Variants in SFRP1 observed in about 807,000 individuals in gnomAD.
SFRP1 encodes the protein secreted frizzled related protein 1, also known as secreted frizzled-related protein 1.
In SFRP1, 9 loss-of-function variants were observed where a neutral mutation model predicts 25.9. The ratio of observed to expected loss-of-function variants is 0.35; its 90% CI spans 0.21 to 0.61. The LOEUF (loss-of-function observed/expected upper bound fraction) is 0.61. Among genes scored for constraint, SFRP1 ranks in the 20% least tolerant of loss-of-function variants. The pLI, the probability that SFRP1 is intolerant of heterozygous loss-of-function variation, is 0.78. For synonymous variants in SFRP1, 178 were observed against 174.0 expected (o/e 1.02, Z -0.18); for missense variants, 346 against 418.2 (o/e 0.83, Z 1.51).
chr8:41,297,216 G>C (rs1448873100), intron 2 of SFRP1, among the ~76,000 whole-genome samples: 1 of 152,030 alleles, frequency 6.6e-6, no homozygotes, highest in African/African-American at 2.4e-5. Flanking sequence ...GCTAATTTTT[G>C]TATTTTTAGT....
intron 2 of SFRP1, among the ~76,000 whole-genome samples, chr8:41,295,068 C>T (rs1195563496): frequency 3.3e-5 from 5 of 152,152 alleles, no homozygotes; most frequent in Admixed American, 1.3e-4. Flanking sequence ...AAACCACTAT[C>T]AACAATCACT....
At chr8:41,305,690 C>G (rs1803986866) in intron 1 of SFRP1, among the ~76,000 whole-genome samples, 1 of 152,174 alleles carries the variant, frequency 6.6e-6, no homozygotes, top group Admixed American at 6.5e-5. Flanking sequence ...ACAAAAAAAG[C>G]AAAGGTTTTG....
intron 2 of SFRP1, among the ~76,000 whole-genome samples, chr8:41,284,396 A>AG (rs748119722): frequency 9.9e-6 from 1 of 101,154 alleles, no homozygotes; most frequent in East Asian, 2.7e-4. Flanking sequence ...ACATTGTCTG[A>AG]GCCCCTCCCA....
intron 2 of SFRP1, among the ~76,000 whole-genome samples, chr8:41,286,129 G>A (rs1803698237): frequency 6.6e-6 from 1 of 151,918 alleles, no homozygotes; most frequent in Admixed American, 6.5e-5. Flanking sequence ...GGGGGGACAG[G>A]GATGGGGACG....
intron 2 of SFRP1, among the ~76,000 whole-genome samples, chr8:41,278,165 C>T (rs1367003401): frequency 6.6e-6 from 1 of 152,164 alleles, no homozygotes; most frequent in African/African-American, 2.4e-5. Context: ...ACAGGCCTGT[C>T]CAAGACACAG....
intron 2 of SFRP1, among the ~76,000 whole-genome samples, chr8:41,267,775 C>G (rs1216808613): frequency 1.3e-5 from 2 of 152,146 alleles, no homozygotes; most frequent in African/African-American, 4.8e-5. Context: ...AAGTTGAAAC[C>G]CATGTCTAAA....
At chr8:41,284,420 C>T (rs1803673458) in intron 2 of SFRP1, among the ~76,000 whole-genome samples, 1 of 151,556 alleles carries the variant, frequency 6.6e-6, no homozygotes, top group South Asian at 2.1e-4. Flanking sequence ...TGCTGGAGGG[C>T]CCCTCCCACA....
chr8:41,269,365 A>G (rs1803474483), intron 2 of SFRP1, among the ~76,000 whole-genome samples: 1 of 152,164 alleles, frequency 6.6e-6, no homozygotes, highest in African/African-American at 2.4e-5. Context: ...AGACCCAGAA[A>G]CTTTGAAAAC....
In SFRP1 at chr8:41,309,357, C is replaced by CG. The variant is rs1429998821; in HGVS notation, c.-199dup. 2.6e-6 allele frequency: 1 copy of CG among 387,454 alleles called. No individual in the cohort carries two copies. 24.0% of individuals were successfully genotyped at this position (387,454 alleles called of 1,614,324 possible). A position where few individuals can be genotyped will look rare whatever the true frequency, so the allele number is the denominator to read the frequency against. ...GGCCTGCGGTCGGAGGCGGCGCGGG[C>CG]GGGGAGGCGGCGCTGCGGGCTGGGT... is the stretch of plus-strand genomic sequence containing the variant. On this transcript the variant is annotated 5_prime_UTR_variant, in exon 1 of 3. Coordinates refer to ENST00000220772, the MANE Select transcript of SFRP1 (RefSeq NM_003012.5).
chr8:41,294,444 A>G (rs1803815690), intron 2 of SFRP1, among the ~76,000 whole-genome samples: 1 of 152,194 alleles, frequency 6.6e-6, no homozygotes, highest in African/African-American at 2.4e-5. Context: ...TAGAGAAAAC[A>G]AGAGAGAGAA....
At chr8:41,302,882 G>C (rs965185247) in intron 2 of SFRP1, among the ~76,000 whole-genome samples, 3 of 151,802 alleles carry the variant, frequency 2.0e-5, no homozygotes, top group African/African-American at 7.3e-5. Flanking sequence ...GAAGAAGAGA[G>C]AAAAACCACC....
chr8:41,268,372 G>A (rs999988799), intron 2 of SFRP1, among the ~76,000 whole-genome samples: 2 of 152,148 alleles, frequency 1.3e-5, no homozygotes, highest in Non-Finnish European at 2.9e-5. Flanking sequence ...TACACACCAC[G>A]ACCCGGTTAG....
intron 2 of SFRP1, among the ~76,000 whole-genome samples, chr8:41,266,937 A>G (rs1803443324): frequency 6.6e-6 from 1 of 152,162 alleles, no homozygotes; most frequent in African/African-American, 2.4e-5. Flanking sequence ...CATGGGAGAA[A>G]TCAGTTTCTA....
rs1804037904 is a variant in SFRP1 at position 41,309,113 on chromosome 8, C to G, written c.47G>C (p.Gly16Ala). 1 of 1,474,328 alleles carries G rather than the reference C, an allele frequency of 6.8e-7. No individual in the cohort carries two copies. Among genetic ancestry groups the G allele is most frequent in the Non-Finnish European group, 8.9e-7 (1 of 1,125,458 alleles). The allele number at this position is 1,474,328 out of a possible 1,614,324, so 91.3% of individuals were successfully genotyped here. The change falls in exon 1 of 3, where the codon GGC (glycine) becomes GCC (alanine). Residue 16 changes from glycine to alanine, a missense_variant. Physicochemically the swap from Gly to Ala is moderately conservative, Grantham distance 60. Transcript: ENST00000220772. ...CGCCGCGCCCAGCGCCAGCAGCACG[C>G]CCAGGGCTGCCCCGCGGCGGCCCCC... The part of the protein sequence containing the change: ...SEGGRRGAAL[G>A]VLLALGAALL...
intron 2 of SFRP1, among the ~76,000 whole-genome samples, chr8:41,278,563 C>A (rs1050784393): frequency 6.6e-6 from 1 of 152,168 alleles, no homozygotes; most frequent in African/African-American, 2.4e-5. Context: ...GTAGAGAAGC[C>A]CAGACCGCAC....
intron 1 of SFRP1, among the ~76,000 whole-genome samples, chr8:41,304,787 A>G (rs1055044270): frequency 6.6e-6 from 1 of 151,268 alleles, no homozygotes; most frequent in Non-Finnish European, 1.5e-5. Flanking sequence ...CCCATAGACC[A>G]CTCCCTACTT....
chr8:41,264,988 G>T lies in SFRP1; in HGVS notation c.*179C>A. The stretch of plus-strand genomic sequence containing the variant: ...TTTACCCGGCCATGGCTACCCTGGG[G>T]TTTGGAGCGTGGCTATGGAGGGAAG... On this transcript the variant is annotated 3_prime_UTR_variant, in exon 3 of 3. Coordinates refer to ENST00000220772, the MANE Select transcript of SFRP1 (RefSeq NM_003012.5). 1.7e-6 allele frequency: 1 copy of T among 591,458 alleles called. No individual in the cohort carries two copies. Among genetic ancestry groups the T allele is most frequent in the South Asian group, 2.2e-5 (1 of 45,458 alleles). The allele number at this position is 591,458 out of a possible 1,614,324, so 36.6% of individuals were successfully genotyped here.
intron 1 of SFRP1, among the ~76,000 whole-genome samples, chr8:41,305,558 T>C (rs549382053): frequency 5.9e-4 from 90 of 152,342 alleles, no homozygotes; most frequent in African/African-American, 2.1e-3. Context: ...CTGCGCCTCA[T>C]TGGTGCGTCT....
intron 2 of SFRP1, among the ~76,000 whole-genome samples, chr8:41,296,782 C>G (rs542689999): frequency 4.5e-4 from 69 of 152,036 alleles, no homozygotes; most frequent in Non-Finnish European, 9.1e-4. Context: ...AAAAGGAGAA[C>G]GCGTTAGGTA....
Sources: gnomAD v4.1 joint callset for allele counts (sites outside exome capture counted in the v4.1 genomes callset) on GRCh38, gnomAD v4.1.1 for gene constraint, MANE v1.5 for transcripts, NCBI Gene and HGNC (gene_info 2026-07-23, HGNC 2026-07-21) for gene names.